Variants in ACADSB observed in about 807,000 individuals in gnomAD.
The protein encoded by ACADSB is short/branched chain specific acyl-CoA dehydrogenase, mitochondrial.
In ACADSB, 40 loss-of-function variants were observed where a neutral mutation model predicts 54.1. That is an observed-to-expected ratio of 0.74 (90% CI 0.57 to 0.96). The LOEUF (loss-of-function observed/expected upper bound fraction) is 0.96, where lower values mean the gene tolerates loss of function less well. Among genes scored for constraint, ACADSB ranks in the 40% least tolerant of loss-of-function variants. The probability of loss-of-function intolerance (pLI) is 0.00; values close to 1 mark genes in which losing one functional copy is unlikely to be tolerated. For synonymous variants in ACADSB, 182 were observed against 182.8 expected (o/e 1.00, Z 0.03); for missense variants, 530 against 510.4 (o/e 1.04, Z -0.37).
rs59800606 is a variant in ACADSB at position 123,041,186 on chromosome 10, A to C, written c.511-23A>C. The C allele has an allele frequency of 1.9e-4, 308 of 1,612,848 alleles. No individual in the cohort carries two copies. The African/African-American group carries it at 3.6e-3, about 19-fold the overall frequency. On this transcript the variant is annotated intron_variant, in intron 4 of 10. Coordinates refer to ENST00000358776, the MANE Select transcript of ACADSB (RefSeq NM_001609.4). Reference sequence around the variant, plus strand: ...AGTATAAATACAGTTATTAATTTGGACATTTTTTTCTCCCATATGTAGGTA... The same window carrying C: ...AGTATAAATACAGTTATTAATTTGGCCATTTTTTTCTCCCATATGTAGGTA...
intron 8 of ACADSB, among the ~76,000 whole-genome samples, chr10:123,049,814 G>A (rs1354211483): frequency 6.6e-6 from 1 of 152,310 alleles, no homozygotes; most frequent in East Asian, 1.9e-4. Flanking sequence ...AAGATTTTAG[G>A]AGAAAACAGA....
intron 3 of ACADSB, among the ~76,000 whole-genome samples, 190 bp from the exon 4 acceptor site, chr10:123,040,276 A>G (rs934451133): frequency 2.0e-5 from 3 of 151,820 alleles, no homozygotes; most frequent in Non-Finnish European, 4.4e-5. Flanking sequence ...GCTTGAACCC[A>G]GGAGGTGGAG....
rs189725595 is a variant in ACADSB, at chr10:123,025,191, C to T, written c.43-9165C>T. Among the ~76,000 whole-genome samples, 3 of 152,340 alleles carry T rather than the reference C, an allele frequency of 2.0e-5. No individual in the cohort carries two copies. In the East Asian group the frequency reaches 5.8e-4, roughly 29 times the overall value. On this transcript the variant is annotated intron_variant, in intron 1 of 10. Transcript: ENST00000358776. ...GGCTTTTAGGCCAGGCACAGTCGCT[C>T]ATGTCTGCAATCACTGCACTTTGCG...
chr10:123,050,520 T>C (rs1306939373), intron 8 of ACADSB, among the ~76,000 whole-genome samples: 2 of 152,246 alleles, frequency 1.3e-5, no homozygotes, highest in South Asian at 2.1e-4. Context: ...GTTTCTTTCA[T>C]TGGCAAACAT....
chr10:123,027,373 T>C (rs79556447), intron 1 of ACADSB, among the ~76,000 whole-genome samples: 4,784 of 152,304 alleles, frequency 0.031, 240 homozygotes, highest in African/African-American at 0.11. Flanking sequence ...TTGTATCTGC[T>C]AGAATTCTCG....
intron 7 of ACADSB, among the ~76,000 whole-genome samples, chr10:123,045,588 C>T (rs1244915852): frequency 2.0e-5 from 3 of 152,128 alleles, no homozygotes; most frequent in African/African-American, 7.2e-5. Flanking sequence ...TAGATTATTA[C>T]TCTAGATTTT....
rs1247796854 is a variant in ACADSB at position 123,037,732 on chromosome 10, T to G, written c.203-15T>G. On this transcript the variant is annotated splice_polypyrimidine_tract_variant and intron_variant, in intron 2 of 10. Coordinates refer to ENST00000358776, the MANE Select transcript of ACADSB (RefSeq NM_001609.4). ...CACTTTAACATAGACTTATCAGTAA[T>G]TCTTTTTCCTACAGTTAAAAAATTT... 1 of 1,554,144 alleles carries G rather than the reference T, an allele frequency of 6.4e-7. No homozygotes were observed. Among genetic ancestry groups the G allele is most frequent in the Admixed American group, 1.7e-5 (1 of 59,908 alleles).
chr10:123,027,765 A>G (rs1207763429), intron 1 of ACADSB, among the ~76,000 whole-genome samples: 1 of 152,184 alleles, frequency 6.6e-6, no homozygotes, highest in African/African-American at 2.4e-5. Context: ...GGATTTAGCA[A>G]GGGGATTTTA....
intron 1 of ACADSB, among the ~76,000 whole-genome samples, chr10:123,023,696 A>G (rs1019836563): frequency 1.3e-5 from 2 of 152,228 alleles, no homozygotes; most frequent in African/African-American, 4.8e-5. Context: ...GCCAAACAGC[A>G]CTAAAGGAGA....
intron 1 of ACADSB, among the ~76,000 whole-genome samples, chr10:123,021,052 A>G (rs1158659844): frequency 6.6e-6 from 1 of 152,126 alleles, no homozygotes; most frequent in Non-Finnish European, 1.5e-5. Context: ...CTTTCCAAAC[A>G]ATCTGTCTCC....
At chr10:123,013,898 C>T (rs1171341043) in intron 1 of ACADSB, among the ~76,000 whole-genome samples, 8 of 152,224 alleles carry the variant, frequency 5.3e-5, no homozygotes, top group Admixed American at 1.3e-4. Context: ...CACACCTCCC[C>T]GCAAGCCGAG....
At chr10:123,011,157 G>C (rs1850029153) in intron 1 of ACADSB, among the ~76,000 whole-genome samples, 1 of 152,198 alleles carries the variant, frequency 6.6e-6, no homozygotes, top group African/African-American at 2.4e-5. Context: ...AGAAATGCAA[G>C]GTAGGGCTAA....
At chr10:123,021,466 C>G (rs1850182979) in intron 1 of ACADSB, among the ~76,000 whole-genome samples, 1 of 152,180 alleles carries the variant, frequency 6.6e-6, no homozygotes, top group African/African-American at 2.4e-5. Flanking sequence ...TTGTTCAAAC[C>G]TTTAGCTTTA....
At chr10:123,020,615 C>A (rs1850172034) in intron 1 of ACADSB, among the ~76,000 whole-genome samples, 1 of 152,180 alleles carries the variant, frequency 6.6e-6, no homozygotes, top group Non-Finnish European at 1.5e-5. Flanking sequence ...AGTACAACTG[C>A]TGGGTCATAT....
At chr10:123,035,617 G>T (rs998047343) in intron 2 of ACADSB, among the ~76,000 whole-genome samples, 1 of 152,180 alleles carries the variant, frequency 6.6e-6, no homozygotes, top group African/African-American at 2.4e-5. Context: ...GGTCTCAGAA[G>T]GTCAACATCA....
In ACADSB at chr10:123,051,134, C is replaced by T. The variant is rs1335716570; in HGVS notation, c.1076C>T (p.Ala359Val). The change falls in exon 9 of 11, where the codon GCT becomes GTT. Residue 359 changes from alanine (A) to valine (V), a missense_variant. Physicochemically the swap from Ala to Val is moderately conservative, Grantham distance 64. Transcript: ENST00000358776. ...LTYNAARLLE[A>V]GKPFIKEASM... Reference sequence around the variant, plus strand: ...TACAATGCTGCTAGGCTTTTAGAAGCTGGAAAGCCATTCATAAAAGAAGCG... The same window carrying T: ...TACAATGCTGCTAGGCTTTTAGAAGTTGGAAAGCCATTCATAAAAGAAGCG... The T allele has an allele frequency of 6.4e-7, 1 of 1,564,706 alleles. No homozygotes were observed. The highest frequency in any genetic ancestry group is 8.6e-7 in the Non-Finnish European group (1 of 1,160,322).
chr10:123,033,330 A>C (rs1467330610), intron 1 of ACADSB, among the ~76,000 whole-genome samples: 1 of 152,246 alleles, frequency 6.6e-6, no homozygotes. Context: ...ACCAACATGC[A>C]GCAAAGATTG....
chr10:123,041,188 AT>A lies in ACADSB; in HGVS notation c.511-14del, dbSNP rs766819995. On this transcript the variant is annotated intron_variant, in intron 4 of 10. Coordinates refer to ENST00000358776, the MANE Select transcript of ACADSB (RefSeq NM_001609.4). The stretch of plus-strand genomic sequence containing the variant: ...TATAAATACAGTTATTAATTTGGAC[AT>A]TTTTTTCTCCCATATGTAGGTAGGA... 66 of 1,613,216 alleles carry A rather than the reference AT, an allele frequency of 4.1e-5. 1 individual carries two copies. In the East Asian group the frequency reaches 1.4e-3, roughly 34 times the overall value.
chr10:123,049,046 A>G (rs1003809763), intron 8 of ACADSB, among the ~76,000 whole-genome samples: 5 of 152,212 alleles, frequency 3.3e-5, no homozygotes, highest in African/African-American at 1.2e-4. Context: ...TTGTGGGTAC[A>G]CAGGTACCCA....
Sources: allele counts gnomAD v4.1 joint callset (sites outside exome capture counted in the v4.1 genomes callset), GRCh38; gene constraint gnomAD v4.1.1; transcripts MANE v1.5; gene names NCBI Gene and HGNC (gene_info 2026-07-23, HGNC 2026-07-21).